Variants in KCNN2 observed in about 807,000 individuals in gnomAD.
The protein encoded by KCNN2 is small conductance calcium-activated potassium channel protein 2.
Under a neutral mutation model 55.5 loss-of-function variants are expected in KCNN2, and 24 were observed. The ratio of observed to expected loss-of-function variants is 0.43; its 90% confidence interval spans 0.31 to 0.61. The LOEUF (loss-of-function observed/expected upper bound fraction) is 0.61. KCNN2 is among the 20% of genes least tolerant of loss of function. The pLI is 0.08. For missense variants in KCNN2, 754 were observed against 853.6 expected (o/e 0.88, Z 1.45); for synonymous variants, 431 against 336.1 (o/e 1.28, Z -3.09).
chr5:114,176,310 G>A (rs1753130517), intron 1 of KCNN2, among the ~76,000 whole-genome samples: 1 of 152,114 alleles, frequency 6.6e-6, no homozygotes, highest in Non-Finnish European at 1.5e-5. Context: ...CTATAACAAC[G>A]CTTATAATCA....
chr5:114,206,019 A>G (rs935761299), intron 1 of KCNN2, among the ~76,000 whole-genome samples: 1 of 152,220 alleles, frequency 6.6e-6, no homozygotes, highest in African/African-American at 2.4e-5. Context: ...AAAGACTTCA[A>G]GTCCAAAGTT....
chr5:114,254,764 AT>A (rs1754948616), intron 2 of KCNN2, among the ~76,000 whole-genome samples: 1 of 152,110 alleles, frequency 6.6e-6, no homozygotes, highest in Admixed American at 6.5e-5. Flanking sequence ...TTATTCTTAT[AT>A]TCCTTAATCT....
intron 2 of KCNN2, among the ~76,000 whole-genome samples, chr5:114,317,802 AAATTCTAC>A (rs1452579539): frequency 6.6e-6 from 1 of 152,270 alleles, no homozygotes; most frequent in African/African-American, 2.4e-5. Context: ...CCATTATGCT[AAATTCTAC>A]AATACTCACA....
chr5:114,116,318 A>G (rs1166199448), intron 1 of KCNN2, among the ~76,000 whole-genome samples: 1 of 152,188 alleles, frequency 6.6e-6, no homozygotes, highest in Non-Finnish European at 1.5e-5. Context: ...GAATTTTTAA[A>G]TAAAAGAAAG....
chr5:114,220,896 A>G (rs1048159724), intron 1 of KCNN2, among the ~76,000 whole-genome samples: 2 of 152,158 alleles, frequency 1.3e-5, no homozygotes, highest in African/African-American at 4.8e-5. Flanking sequence ...AAAAGTTCCA[A>G]CATATTCCTG....
chr5:114,290,849 G>C (rs1325489108), intron 2 of KCNN2, among the ~76,000 whole-genome samples: 2 of 151,972 alleles, frequency 1.3e-5, no homozygotes, highest in Non-Finnish European at 2.9e-5. Flanking sequence ...CTAGCATATT[G>C]ATTGTTTCAG....
chr5:114,401,009 A>G (rs1193058124), intron 2 of KCNN2, among the ~76,000 whole-genome samples: 1 of 150,492 alleles, frequency 6.6e-6, no homozygotes, highest in African/African-American at 2.4e-5. Flanking sequence ...TTTCCTAGCA[A>G]AAGTTAGTTT....
chr5:114,399,215 C>T (rs1248264292), intron 2 of KCNN2, among the ~76,000 whole-genome samples: 1 of 152,066 alleles, frequency 6.6e-6, no homozygotes. Flanking sequence ...AAAGTATGTT[C>T]CTTCAATGTC....
intron 4 of KCNN2, among the ~76,000 whole-genome samples, chr5:114,470,626 G>C (rs1346546060): frequency 6.6e-6 from 1 of 152,170 alleles, no homozygotes; most frequent in Non-Finnish European, 1.5e-5. Context: ...TTAGTACCCA[G>C]ATCTAAAATA....
chr5:114,358,478 G>C (rs181396819), upstream of KCNN2, among the ~76,000 whole-genome samples: 1 of 152,314 alleles, frequency 6.6e-6, no homozygotes, highest in East Asian at 1.9e-4. Flanking sequence ...ATTAAAAAGT[G>C]ATGCTGGAAA....
intron 1 of KCNN2, among the ~76,000 whole-genome samples, chr5:114,176,778 A>C (rs1374992450): frequency 6.6e-6 from 1 of 152,194 alleles, no homozygotes; most frequent in Non-Finnish European, 1.5e-5. Flanking sequence ...TATTAGATAC[A>C]GAACTGGTTA....
intron 6 of KCNN2, among the ~76,000 whole-genome samples, chr5:114,489,708 T>C (rs1747756175): frequency 6.6e-6 from 1 of 152,164 alleles, no homozygotes; most frequent in South Asian, 2.1e-4. Context: ...CCTTTCATTT[T>C]AGCTTAGTGT....
chr5:114,159,841 G>A (rs572623441), intron 1 of KCNN2, among the ~76,000 whole-genome samples: 1 of 152,198 alleles, frequency 6.6e-6, no homozygotes, highest in African/African-American at 2.4e-5. Context: ...TGTGAGATCG[G>A]TGGTGACATC....
chr5:114,482,267 T>C lies in KCNN2; in HGVS notation c.1891-4783T>C, dbSNP rs187559686. 3.3e-5 allele frequency among the ~76,000 whole-genome samples: 5 copies of C among 152,190 alleles called. No individual in the cohort carries two copies. In the East Asian group the frequency reaches 7.7e-4, roughly 24 times the overall value. On this transcript the variant is annotated intron_variant, in intron 5 of 7. Transcript: ENST00000673685. Reference sequence around the variant, plus strand: ...AACATCCATGCAGCCAACAAACTTATGAAAAAATGCTCACCATCACTGGTC... The same window carrying C: ...AACATCCATGCAGCCAACAAACTTACGAAAAAATGCTCACCATCACTGGTC...
intron 2 of KCNN2, among the ~76,000 whole-genome samples, chr5:114,295,595 C>A (rs922111476): frequency 6.6e-6 from 1 of 152,154 alleles, no homozygotes; most frequent in African/African-American, 2.4e-5. Flanking sequence ...TTCCAGGTGC[C>A]ATCTGTCACC....
At chr5:114,486,485 C>T (rs1747543186) in intron 5 of KCNN2, among the ~76,000 whole-genome samples, 1 of 152,106 alleles carries the variant, frequency 6.6e-6, no homozygotes, top group Non-Finnish European at 1.5e-5. Flanking sequence ...CTTAAATTTC[C>T]AACAAAATCA....
chr5:114,238,362 A>G (rs926667418), intron 2 of KCNN2, among the ~76,000 whole-genome samples: 1 of 152,126 alleles, frequency 6.6e-6, no homozygotes, highest in African/African-American at 2.4e-5. Context: ...GCAGTGGCTC[A>G]CGCCTGTAAT....
chr5:114,249,282 C>CT (rs1159573084), intron 2 of KCNN2, among the ~76,000 whole-genome samples: 1 of 52,278 alleles, frequency 1.9e-5, no homozygotes, highest in Non-Finnish European at 4.6e-5. Context: ...TTCTTTCTTT[C>CT]TTTCTTTCTT....
At chr5:114,115,031 C>G (rs1054013538) in intron 1 of KCNN2, among the ~76,000 whole-genome samples, 15 of 152,072 alleles carry the variant, frequency 9.9e-5, no homozygotes, top group African/African-American at 3.6e-4. Flanking sequence ...TGCCTGCATA[C>G]CTATGAGTTA....
Sources: allele counts gnomAD v4.1 joint callset (sites outside exome capture counted in the v4.1 genomes callset), GRCh38; gene constraint gnomAD v4.1.1; transcripts MANE v1.5; gene names NCBI Gene and HGNC (gene_info 2026-07-23, HGNC 2026-07-21).